Variants in MAN2A1 observed in about 807,000 individuals in gnomAD.
MAN2A1 encodes mannosidase alpha class 2A member 1.
A neutral mutation model predicts 142.6 loss-of-function variants in MAN2A1; 76 were observed. That is an observed-to-expected ratio of 0.53 (90% CI 0.44 to 0.65). The LOEUF (loss-of-function observed/expected upper bound fraction) is 0.65, where lower values mean the gene tolerates loss of function less well. Ranked by LOEUF, MAN2A1 falls within the 30% of genes least tolerant of loss-of-function variation. The pLI, the probability that MAN2A1 is intolerant of heterozygous loss-of-function variation, is 0.00. For missense variants in MAN2A1, 1,311 were observed against 1,365.1 expected, an observed-to-expected ratio of 0.96 and a Z score of 0.62; for synonymous variants, 559 against 473.2, an observed-to-expected ratio of 1.18 and a Z score of -2.35.
At chr5:109,710,994 A>G (rs1454932446) in intron 1 of MAN2A1, among the ~76,000 whole-genome samples, 1 of 151,742 alleles carries the variant, frequency 6.6e-6, no homozygotes, top group East Asian at 1.9e-4. Flanking sequence ...TCAGCCGCTA[A>G]TTTTTGTATT....
intron 4 of MAN2A1, among the ~76,000 whole-genome samples, chr5:109,752,425 A>G (rs952805539): frequency 1.3e-5 from 2 of 152,246 alleles, no homozygotes; most frequent in East Asian, 1.9e-4. Flanking sequence ...TTATCTGCCA[A>G]GCAAGCTTCT....
chr5:109,782,470 T>A (rs1346686635), intron 9 of MAN2A1, among the ~76,000 whole-genome samples: 4 of 152,212 alleles, frequency 2.6e-5, no homozygotes, highest in African/African-American at 9.6e-5. Flanking sequence ...AGGCTGGTTG[T>A]TGATAAAGTT....
chr5:109,766,314 C>A (rs747332659), intron 5 of MAN2A1, among the ~76,000 whole-genome samples: 1 of 152,144 alleles, frequency 6.6e-6, no homozygotes, highest in Non-Finnish European at 1.5e-5. Flanking sequence ...CGTGCTACCA[C>A]AAAAACCAAA....
chr5:109,827,124 C>T (rs1754779840), intron 16 of MAN2A1, among the ~76,000 whole-genome samples: 1 of 152,054 alleles, frequency 6.6e-6, no homozygotes, highest in Non-Finnish European at 1.5e-5. Context: ...GTTGTTAGTA[C>T]CAGATTTTCA....
chr5:109,696,232 CT>C (rs1750808170), intron 1 of MAN2A1, among the ~76,000 whole-genome samples: 2 of 152,044 alleles, frequency 1.3e-5, no homozygotes, highest in Admixed American at 6.6e-5. Flanking sequence ...TCCCGAGTAG[CT>C]GGGATTACAG....
At chr5:109,833,513 T>C (rs1754982254) in intron 16 of MAN2A1, among the ~76,000 whole-genome samples, 1 of 151,894 alleles carries the variant, frequency 6.6e-6, no homozygotes, top group Admixed American at 6.6e-5. Context: ...ACCAAAAAAA[T>C]CCGAAAACCA....
chr5:109,820,142 T>G lies in MAN2A1; in HGVS notation c.2329-78T>G, dbSNP rs1754584943. 5 of 1,271,424 alleles carry G rather than the reference T, an allele frequency of 3.9e-6. No homozygotes were observed. The East Asian group carries it at 1.2e-4, about 30-fold the overall frequency. 78.8% of individuals were successfully genotyped at this position (1,271,424 alleles called of 1,614,324 possible). ...GTACAGAAATTATTTTTTTAAATTG[T>G]CATATACATAGAACCAGATGCAACA... On this transcript the variant is annotated intron_variant, in intron 14 of 21. Transcript: ENST00000261483.
chr5:109,764,514 A>G (rs551478991), intron 5 of MAN2A1, among the ~76,000 whole-genome samples: 2 of 152,180 alleles, frequency 1.3e-5, no homozygotes, highest in African/African-American at 4.8e-5. Flanking sequence ...AAGTATTGCC[A>G]AGAAAAACCC....
chr5:109,767,577 A>T lies in MAN2A1; in HGVS notation c.878A>T (p.His293Leu). ...GGCTGGGCTATTGATCCCTTTGGAC[A>T]CTCACCAACAATGGCTTATCTTCTA... Reference protein sequence around the residue: ...RSGWAIDPFGHSPTMAYLLNR... With the variant: ...RSGWAIDPFGLSPTMAYLLNR... Residue 293 changes from histidine (H) to leucine (L), a missense_variant, in exon 6 of 22, where the codon CAC (histidine) becomes CTC (leucine). By Grantham distance (99) the His-to-Leu change is moderately conservative. Coordinates refer to ENST00000261483, the MANE Select transcript of MAN2A1 (RefSeq NM_002372.4). 1 of 1,613,736 alleles carries T rather than the reference A, an allele frequency of 6.2e-7. No individual in the cohort carries two copies. The highest frequency in any genetic ancestry group is 8.5e-7 in the Non-Finnish European group (1 of 1,179,736).
intron 19 of MAN2A1, 137 bp from the exon 20 acceptor site, chr5:109,855,003 C>T: frequency 2.2e-6 from 1 of 458,544 alleles, no homozygotes; most frequent in Non-Finnish European, 3.7e-6. Context: ...GGAGTATTTT[C>T]TAAGACTGTT....
At chr5:109,780,229 T>C (rs1011898332) in intron 8 of MAN2A1, among the ~76,000 whole-genome samples, 2 of 151,914 alleles carry the variant, frequency 1.3e-5, no homozygotes, top group African/African-American at 4.8e-5. Context: ...AGCTAATTTT[T>C]TTTTGTATTT....
chr5:109,767,651 G>A lies in MAN2A1; in HGVS notation c.952G>A (p.Val318Ile). ...HMLIQRVHYA[V>I]KKHFALHKTL... ...GCTTATCCAGAGAGTTCATTATGCA[G>A]TTAAAAAACACTTTGCACTGCATAA... The change falls in exon 6 of 22, where the codon GTT becomes ATT. Residue 318 changes from valine (V) to isoleucine (I), a missense_variant. Val to Ile is a conservative substitution (Grantham distance 29, BLOSUM62 3). This residue lies in a region of MAN2A1 where 409 missense variants were observed against 412.7 expected (regional missense o/e 0.99). Coordinates refer to ENST00000261483, the MANE Select transcript of MAN2A1 (RefSeq NM_002372.4). 1.9e-6 allele frequency: 3 copies of A among 1,613,652 alleles called. No individual in the cohort carries two copies. Among genetic ancestry groups the A allele is most frequent in the Non-Finnish European group, 2.5e-6 (3 of 1,179,720 alleles).
chr5:109,843,141 C>T (rs946612957), intron 17 of MAN2A1, among the ~76,000 whole-genome samples: 1 of 151,994 alleles, frequency 6.6e-6, no homozygotes, highest in Non-Finnish European at 1.5e-5. Flanking sequence ...ACTGCTATAG[C>T]GAAATACCCA....
intron 16 of MAN2A1, among the ~76,000 whole-genome samples, chr5:109,826,372 C>T (rs921282879): frequency 6.6e-6 from 1 of 151,922 alleles, no homozygotes; most frequent in Admixed American, 6.6e-5. Context: ...AATGAGAAGC[C>T]GTCATATATA....
intron 1 of MAN2A1, among the ~76,000 whole-genome samples, chr5:109,700,284 T>TC (rs1750939817): frequency 6.7e-6 from 1 of 149,350 alleles, no homozygotes; most frequent in South Asian, 2.1e-4. Context: ...TTTGCCGGTT[T>TC]TTTTTTTTTT....
At chr5:109,749,788 C>T (rs1752498723) in intron 4 of MAN2A1, among the ~76,000 whole-genome samples, 1 of 151,560 alleles carries the variant, frequency 6.6e-6, no homozygotes, top group Non-Finnish European at 1.5e-5. Flanking sequence ...ACTAATATTC[C>T]CCTGCTTGTC....
chr5:109,781,636 C>T (rs1003122115), intron 9 of MAN2A1, 38 bp downstream of exon 9: 4 of 1,365,342 alleles, frequency 2.9e-6, no homozygotes, highest in African/African-American at 2.9e-5. Flanking sequence ...TATTTTTTCA[C>T]TTTATATTAT....
intron 1 of MAN2A1, among the ~76,000 whole-genome samples, chr5:109,706,827 GT>G (rs778284588): frequency 2.0e-5 from 3 of 151,920 alleles, no homozygotes; most frequent in Non-Finnish European, 2.9e-5. Flanking sequence ...GTAAAGTTTT[GT>G]TTCTTTTGAA....
chr5:109,812,844 C>A (rs1754354414), intron 12 of MAN2A1, among the ~76,000 whole-genome samples: 2 of 152,032 alleles, frequency 1.3e-5, no homozygotes, highest in African/African-American at 2.4e-5. Context: ...GTAATAAATT[C>A]TCCTAGTGGT....
Sources: gnomAD v4.1 joint callset for allele counts (sites outside exome capture counted in the v4.1 genomes callset) on GRCh38, gnomAD v4.1.1 for gene constraint, gnomAD v4.1.1 regional missense constraint, MANE v1.5 for transcripts, NCBI Gene and HGNC (gene_info 2026-07-23, HGNC 2026-07-21) for gene names.